The following CYP2C19 variants were observed in gnomAD, a reference collection of about 807,000 sequenced individuals.
The protein encoded by CYP2C19 is cytochrome P450 2C19.
Under a neutral mutation model 40.9 loss-of-function variants are expected in CYP2C19, and 59 were observed. The ratio of observed to expected loss-of-function variants is 1.44; its 90% CI spans 1.17 to 1.79. The LOEUF (loss-of-function observed/expected upper bound fraction) is 1.79. Among genes scored for constraint, CYP2C19 ranks in the 40% most tolerant of loss-of-function variants. The pLI is 0.00. For missense variants in CYP2C19, 754 were observed against 596.9 expected, an observed-to-expected ratio of 1.26 and a Z score of -2.74; for synonymous variants, 253 against 208.7, an observed-to-expected ratio of 1.21 and a Z score of -1.83.
At chr10:94,780,733 G>A in intron 4 of CYP2C19, 74 bp downstream of exon 4, 2 of 1,529,932 alleles carry the variant, frequency 1.3e-6, no homozygotes, top group Non-Finnish European at 1.8e-6. Context: ...ATTCTATATT[G>A]ACCAAGCCCT....
chr10:94,839,520 A>G (rs7911654), intron 6 of CYP2C19, among the ~76,000 whole-genome samples: 26,122 of 152,206 alleles, frequency 0.17, 2,464 homozygotes, highest in South Asian at 0.33. Flanking sequence ...TGAGTATTTC[A>G]TAACAACCCA....
chr10:94,790,645 G>T (rs375971177), intron 5 of CYP2C19, among the ~76,000 whole-genome samples: 1 of 152,068 alleles, frequency 6.6e-6, no homozygotes, highest in East Asian at 1.9e-4. Flanking sequence ...GATGGATTAC[G>T]TTTATTGATT....
intron 6 of CYP2C19, among the ~76,000 whole-genome samples, chr10:94,837,680 G>A (rs1849425592): frequency 6.6e-6 from 1 of 152,132 alleles, no homozygotes; most frequent in Admixed American, 6.5e-5. Flanking sequence ...AGACAGGAGA[G>A]TAAGACTGAG....
Position 94,854,371 on chromosome 10 carries a change from T to C in CYP2C19, c.*1457T>C, listed in dbSNP as rs1336103193. Among the ~76,000 whole-genome samples the C allele has an allele frequency of 6.6e-6, 1 of 152,140 alleles. No homozygotes were observed. The highest frequency in any genetic ancestry group is 1.5e-5 in the Non-Finnish European group (1 of 68,022). On this transcript the variant is annotated 3_prime_UTR_variant, in exon 9 of 9. Transcript: ENST00000371321. Reference sequence around the variant, plus strand: ...GGGTTTAATCTTTTTCAGCTTCTCCTATATTGTTTTAGTTTTAACATTAGT... The same window carrying C: ...GGGTTTAATCTTTTTCAGCTTCTCCCATATTGTTTTAGTTTTAACATTAGT...
At chr10:94,806,468 C>T (rs918884248) in intron 5 of CYP2C19, among the ~76,000 whole-genome samples, 4 of 152,062 alleles carry the variant, frequency 2.6e-5, no homozygotes, top group African/African-American at 4.8e-5. Flanking sequence ...AATTCTCGAA[C>T]GTCTTAATGT....
chr10:94,846,365 T>C (rs192711753), intron 7 of CYP2C19, among the ~76,000 whole-genome samples: 7 of 152,314 alleles, frequency 4.6e-5, no homozygotes, highest in African/African-American at 1.7e-4. Flanking sequence ...TTCCACTGAA[T>C]CACAGTGGTG....
At chr10:94,823,517 T>G in intron 6 of CYP2C19, among the ~76,000 whole-genome samples, 1 of 152,172 alleles carries the variant, frequency 6.6e-6, no homozygotes, top group East Asian at 1.9e-4. Flanking sequence ...GACATTTTTC[T>G]TTTGCCATCT....
chr10:94,817,969 C>T (rs1285554475), intron 5 of CYP2C19, among the ~76,000 whole-genome samples: 1 of 148,308 alleles, frequency 6.7e-6, no homozygotes, highest in Non-Finnish European at 1.5e-5. Context: ...GCCGAGATCC[C>T]GCCACTGCAC....
At chr10:94,782,962 G>A (rs1239270682) in intron 5 of CYP2C19, among the ~76,000 whole-genome samples, 1 of 152,044 alleles carries the variant, frequency 6.6e-6, no homozygotes, top group Non-Finnish European at 1.5e-5. Context: ...CCTGTCAAGG[G>A]GTGGAGGGCT....
At chr10:94,845,126 C>T (rs1446966287) in intron 7 of CYP2C19, among the ~76,000 whole-genome samples, 3 of 152,152 alleles carry the variant, frequency 2.0e-5, no homozygotes, top group Non-Finnish European at 4.4e-5. Flanking sequence ...TGTTCTTCTG[C>T]TACAGGCTGG....
intron 4 of CYP2C19, among the ~76,000 whole-genome samples, chr10:94,781,100 G>T (rs1362208015): frequency 6.6e-6 from 1 of 152,132 alleles, no homozygotes; most frequent in African/African-American, 2.4e-5. Context: ...AGAATATTTG[G>T]AACCACAGAA....
intron 6 of CYP2C19, among the ~76,000 whole-genome samples, chr10:94,829,176 C>A (rs926907154): frequency 1.3e-5 from 2 of 152,018 alleles, no homozygotes; most frequent in Admixed American, 1.3e-4. Flanking sequence ...ATCTTTGTGG[C>A]GTTCTCTGTA....
rs1181518919 is a variant in CYP2C19 at position 94,852,985 on chromosome 10, A to C, written c.*71A>C. On this transcript the variant is annotated 3_prime_UTR_variant, in exon 9 of 9. Coordinates refer to ENST00000371321, the MANE Select transcript of CYP2C19 (RefSeq NM_000769.4). ...TCTTTCCTCTGGTCCAAATTTCACT[A>C]TCTGTGATGCTTCTTCTGACCCGTC... 6.7e-7 allele frequency: 1 copy of C among 1,491,390 alleles called. No homozygotes were observed. The highest frequency in any genetic ancestry group is 9.3e-7 in the Non-Finnish European group (1 of 1,078,462). The allele number at this position is 1,491,390 out of a possible 1,614,324, so 92.4% of individuals were successfully genotyped here.
intron 1 of CYP2C19, among the ~76,000 whole-genome samples, chr10:94,772,184 A>G (rs1848342508): frequency 6.6e-6 from 1 of 152,096 alleles, no homozygotes; most frequent in Non-Finnish European, 1.5e-5. Flanking sequence ...TATGAACAGG[A>G]AGGATAGAAT....
rs1214351192 is a variant in CYP2C19 at position 94,842,965 on chromosome 10, A to T, written c.1090A>T (p.Thr364Ser). The change falls in exon 7 of 9, where the codon ACC becomes TCC. Residue 364 changes from threonine to serine, a missense_variant. Physicochemically the swap from Thr to Ser is moderately conservative, Grantham distance 58. Transcript: ENST00000371321. ...EVQRYIDLIP[T>S]SLPHAVTCDV... is the part of the protein sequence containing the mutation. ...CCAGAGATACATCGACCTCATCCCC[A>T]CCAGCCTGCCCCATGCAGTGACCTG... is the stretch of plus-strand genomic sequence containing the variant. 3.7e-6 allele frequency: 6 copies of T among 1,614,192 alleles called. No individual in the cohort carries two copies. The South Asian group carries it at 6.6e-5, about 18-fold the overall frequency.
intron 5 of CYP2C19, among the ~76,000 whole-genome samples, chr10:94,791,176 T>A (rs1291289092): frequency 1.3e-5 from 2 of 152,178 alleles, no homozygotes; most frequent in Non-Finnish European, 2.9e-5. Context: ...TAGTAATCTC[T>A]GATGGTAGTT....
chr10:94,830,108 G>C (rs1487551394), intron 6 of CYP2C19, among the ~76,000 whole-genome samples: 3 of 152,318 alleles, frequency 2.0e-5, no homozygotes, highest in African/African-American at 7.2e-5. Flanking sequence ...CTGTCTTTTT[G>C]TTTGTCTGTG....
intron 8 of CYP2C19, 115 bp downstream of exon 8, chr10:94,850,173 G>C: frequency 1.6e-6 from 2 of 1,255,108 alleles, no homozygotes; most frequent in Admixed American, 1.8e-5. Context: ...ACATGATCAA[G>C]AGCACTGTTC....
At chr10:94,823,677 G>A (rs1294308091) in intron 6 of CYP2C19, among the ~76,000 whole-genome samples, 1 of 152,218 alleles carries the variant, frequency 6.6e-6, no homozygotes, top group African/African-American at 2.4e-5. Flanking sequence ...GAAAGAATTA[G>A]GATTCAGAAT....
Sources: allele counts gnomAD v4.1 joint callset (sites outside exome capture counted in the v4.1 genomes callset), GRCh38; gene constraint gnomAD v4.1.1; transcripts MANE v1.5; gene names NCBI Gene and HGNC (gene_info 2026-07-23, HGNC 2026-07-21).